DCAF8L2: variants seen among roughly 807,000 people sequenced by gnomAD.
The protein encoded by DCAF8L2 is DDB1 and CUL4 associated factor 8 like 2, also known as DDB1- and CUL4-associated factor 8-like protein 2.
For missense variants in DCAF8L2, 430 were observed against 490.7 expected (o/e 0.88, Z 1.17); for synonymous variants, 200 against 190.9 (o/e 1.05, Z -0.39).
At chrX:27,523,885 G>C in the DCAF8L2 span, among the ~76,000 whole-genome samples, 1 of 110,615 alleles carries the variant, frequency 9.0e-6, no homozygotes, top group African/African-American at 3.3e-5. Context: ...ATTTGTCCTT[G>C]CCATAGTTTG....
chrX:27,581,048 C>T, the DCAF8L2 span, among the ~76,000 whole-genome samples: 1 of 111,712 alleles, frequency 9.0e-6, no homozygotes, highest in South Asian at 3.7e-4. Context: ...CTCTTTTTTT[C>T]ATAGTAAGTC....
At chrX:27,717,807 C>T (rs935716056) in intron 4 of DCAF8L2, among the ~76,000 whole-genome samples, 2 of 111,276 alleles carry the variant, frequency 1.8e-5, no homozygotes, top group Non-Finnish European at 3.8e-5. Flanking sequence ...TTAAAAATAC[C>T]CATGTTCTCC....
At chrX:27,572,191 ATTGT>A in the DCAF8L2 span, among the ~76,000 whole-genome samples, 10 of 111,392 alleles carry the variant, frequency 9.0e-5, no homozygotes, top group African/African-American at 3.3e-4. Flanking sequence ...ACTCTGGTTA[ATTGT>A]TTGTGGCTGT....
At chrX:27,544,534 A>G in the DCAF8L2 span, among the ~76,000 whole-genome samples, 2 of 111,854 alleles carry the variant, frequency 1.8e-5, no homozygotes, top group South Asian at 7.4e-4. Context: ...CACTGTATGA[A>G]CTCAATAAAA....
chrX:27,523,496 T>C, the DCAF8L2 span, among the ~76,000 whole-genome samples: 2 of 109,363 alleles, frequency 1.8e-5, no homozygotes, highest in Non-Finnish European at 3.8e-5. Context: ...TTAAAGAATA[T>C]TGAAAAAGAT....
At chrX:27,487,230 G>C in the DCAF8L2 span, among the ~76,000 whole-genome samples, 1 of 110,124 alleles carries the variant, frequency 9.1e-6, no homozygotes, top group African/African-American at 3.3e-5. Flanking sequence ...TATTGACAAG[G>C]ACAATGTCTT....
chrX:27,558,456 T>G, the DCAF8L2 span, among the ~76,000 whole-genome samples: 3 of 110,957 alleles, frequency 2.7e-5, no homozygotes, highest in African/African-American at 9.8e-5. Flanking sequence ...CCTCCAGTGG[T>G]CATTGGGTAT....
chrX:27,635,550 GTAATTCTTT>G (rs1458441460), intron 2 of DCAF8L2, among the ~76,000 whole-genome samples: 1 of 111,267 alleles, frequency 9.0e-6, no homozygotes, highest in Non-Finnish European at 1.9e-5. Context: ...AAAGAGTCAA[GTAATTCTTT>G]TCATTGCCAT....
chrX:27,716,225 C>G (rs1478001786), intron 4 of DCAF8L2, 54 bp downstream of exon 4: 1 of 111,747 alleles, frequency 8.9e-6, no homozygotes, highest in Non-Finnish European at 1.9e-5. Flanking sequence ...CCTAGAAGAC[C>G]TGTGATTGCT....
chrX:27,726,883 A>G (rs1932087936), intron 4 of DCAF8L2, among the ~76,000 whole-genome samples: 1 of 111,393 alleles, frequency 9.0e-6, no homozygotes, highest in Admixed American at 9.6e-5. Flanking sequence ...ATTCTTTCCT[A>G]TGTTTTTTCA....
At chrX:27,541,526 GCCTGACT>G in the DCAF8L2 span, among the ~76,000 whole-genome samples, 1 of 108,094 alleles carries the variant, frequency 9.3e-6, no homozygotes, top group Non-Finnish European at 1.9e-5. Context: ...GCGCTACCAT[GCCTGACT>G]AATTTTGTAT....
At chrX:27,487,288 TG>T in the DCAF8L2 span, among the ~76,000 whole-genome samples, 1 of 111,784 alleles carries the variant, frequency 8.9e-6, no homozygotes, top group Non-Finnish European at 1.9e-5. Context: ...TGTTTTGTTT[TG>T]TTTTGTTTTT....
intron 4 of DCAF8L2, among the ~76,000 whole-genome samples, chrX:27,743,167 G>A (rs940353222): frequency 1.9e-4 from 20 of 105,521 alleles, no homozygotes; most frequent in African/African-American, 7.0e-4. Context: ...CTGCAGCCTC[G>A]ATCTCCCAGG....
At chrX:27,596,047 AAAAC>A (rs1231357632) in intron 1 of DCAF8L2, among the ~76,000 whole-genome samples, 1 of 112,033 alleles carries the variant, frequency 8.9e-6, no homozygotes, top group Non-Finnish European at 1.9e-5. Flanking sequence ...AAACAAAACA[AAAAC>A]AAACAAAAAA....
At chrX:27,598,212 T>A (rs1045803661) in intron 1 of DCAF8L2, among the ~76,000 whole-genome samples, 1 of 112,653 alleles carries the variant, frequency 8.9e-6, no homozygotes, top group African/African-American at 3.2e-5. Context: ...GAAAAAATAT[T>A]TCCTTCTAAA....
the DCAF8L2 span, among the ~76,000 whole-genome samples, chrX:27,497,881 T>C: frequency 1.8e-5 from 2 of 112,226 alleles, no homozygotes; most frequent in Non-Finnish European, 3.8e-5. Flanking sequence ...CTTTCTGTTT[T>C]TATGAATTTG....
the DCAF8L2 span, among the ~76,000 whole-genome samples, chrX:27,481,528 A>T: frequency 9.0e-6 from 1 of 111,639 alleles, no homozygotes; most frequent in African/African-American, 3.3e-5. Context: ...AAAATGAGCT[A>T]GAAAGAAGTA....
At chrX:27,648,301 A>G (rs1483939053) in intron 2 of DCAF8L2, among the ~76,000 whole-genome samples, 1 of 110,796 alleles carries the variant, frequency 9.0e-6, no homozygotes, top group African/African-American at 3.3e-5. Flanking sequence ...CAACATAAAA[A>G]TATACAAAAT....
At chrX:27,701,145 A>T (rs779512094) in intron 3 of DCAF8L2, among the ~76,000 whole-genome samples, 1 of 111,594 alleles carries the variant, frequency 9.0e-6, no homozygotes, top group South Asian at 3.7e-4. Context: ...AGATGAGTAT[A>T]ATTCAGGGCA....
Sources: allele counts gnomAD v4.1 joint callset (sites outside exome capture counted in the v4.1 genomes callset), GRCh38; gene constraint gnomAD v4.1.1; transcripts MANE v1.5; gene names NCBI Gene and HGNC (gene_info 2026-07-23, HGNC 2026-07-21).